Variants in PLG observed in about 807,000 individuals in gnomAD.
PLG encodes the protein plasminogen, also known as plasmin.
A neutral mutation model predicts 104.4 loss-of-function variants in PLG; 41 were observed. The ratio of observed to expected loss-of-function variants is 0.39; its 90% confidence interval spans 0.31 to 0.51. The LOEUF (loss-of-function observed/expected upper bound fraction) is 0.51, where lower values mean the gene tolerates loss of function less well. Among genes scored for constraint, PLG ranks in the 20% least tolerant of loss-of-function variants. The pLI is 0.76. For synonymous variants in PLG, 337 were observed against 357.1 expected, an observed-to-expected ratio of 0.94 and a Z score of 0.63; for missense variants, 891 against 1,003.6, an observed-to-expected ratio of 0.89 and a Z score of 1.52.
Position 160,724,721 on chromosome 6 carries a change from G to A in PLG, c.1256+2154G>A, listed in dbSNP as rs1178026168. On this transcript the variant is annotated intron_variant, in intron 10 of 18. Transcript: ENST00000308192. This position sits in a 1 kb window ranked among gnomAD's most constrained non-coding sequence, Gnocchi z 5.0. ...AAAATAAAAAAGATTAACATAGAATGTTATATCCAGCAAAAATATCCCTTG... is the reference window on the plus strand; with the variant it reads ...AAAATAAAAAAGATTAACATAGAATATTATATCCAGCAAAAATATCCCTTG... 2.6e-5 allele frequency among the ~76,000 whole-genome samples: 4 copies of A among 152,040 alleles called. No homozygotes were observed. The highest frequency in any genetic ancestry group is 5.9e-5 in the Non-Finnish European group (4 of 68,000).
intron 17 of PLG, among the ~76,000 whole-genome samples, chr6:160,749,011 G>T (rs1423255290): frequency 6.6e-6 from 1 of 152,196 alleles, no homozygotes; most frequent in Admixed American, 6.5e-5. Context: ...GCAAAGTGTA[G>T]TTCCCTCAAC....
rs563158864 is a variant in PLG at position 160,737,604 on chromosome 6, T to C, written c.1802+597T>C. Among the ~76,000 whole-genome samples, 204 of 152,346 alleles carry C rather than the reference T, an allele frequency of 1.3e-3. 1 individual carries two copies. The highest frequency in any genetic ancestry group is 4.9e-3 in the African/African-American group (202 of 41,576). On this transcript the variant is annotated intron_variant, in intron 14 of 18. Coordinates refer to ENST00000308192, the MANE Select transcript of PLG (RefSeq NM_000301.5). The surrounding 1 kb of genome is among the most constrained non-coding windows in gnomAD (Gnocchi z 4.7). Reference sequence around the variant, plus strand: ...TTGTTTCAGTGGAACATGCCTTTCATAAGTTCCATTTTCTTGGGTATCTCT... The same window carrying C: ...TTGTTTCAGTGGAACATGCCTTTCACAAGTTCCATTTTCTTGGGTATCTCT...
At chr6:160,710,200 T>A (rs1046695204) in intron 3 of PLG, among the ~76,000 whole-genome samples, 3 of 152,256 alleles carry the variant, frequency 2.0e-5, no homozygotes, top group African/African-American at 7.2e-5. Flanking sequence ...GTGGATTTGA[T>A]AGCAATTTTT....
At position 160,741,454 on chromosome 6, in the gene PLG, T is replaced by A. The variant is rs1778194301; in HGVS notation, c.2125+37T>A. The A allele has an allele frequency of 1.7e-6, 2 of 1,191,252 alleles. No individual in the cohort carries two copies. 73.8% of individuals were successfully genotyped at this position (1,191,252 alleles called of 1,614,324 possible). A position where few individuals can be genotyped will look rare whatever the true frequency, so the allele number is the denominator to read the frequency against. On this transcript the variant is annotated intron_variant, in intron 17 of 18. Coordinates refer to ENST00000308192, the MANE Select transcript of PLG (RefSeq NM_000301.5). The surrounding 1 kb of genome is among the most constrained non-coding windows in gnomAD (Gnocchi z 4.7). ...TCCATTGCCCACATAACGAATTGGT[T>A]TTGACCTACAGTCCATGTGACAAAA...
At chr6:160,718,519 G>A in intron 8 of PLG, 63 bp downstream of exon 8, 9 of 1,460,174 alleles carry the variant, frequency 6.2e-6, no homozygotes, top group Non-Finnish European at 8.7e-6. Context: ...CTTTGCCTTA[G>A]TTTTAGTTAC....
Position 160,732,717 on chromosome 6 carries a change from A to T in PLG, c.1587+824A>T, listed in dbSNP as rs758011276. 1.3e-5 allele frequency among the ~76,000 whole-genome samples: 2 copies of T among 152,148 alleles called. No individual in the cohort carries two copies. Among genetic ancestry groups the T allele is most frequent in the Non-Finnish European group, 2.9e-5 (2 of 68,018 alleles). ...TTACTTTTATTTACCCATTTGTTAT[A>T]AAAGATATTACAAAGGATCCTGGTG... is the stretch of plus-strand genomic sequence containing the variant. On this transcript the variant is annotated intron_variant, in intron 12 of 18. Transcript: ENST00000308192. This position sits in a 1 kb window ranked among gnomAD's most constrained non-coding sequence, Gnocchi z 4.5.
intron 10 of PLG, chr6:160,730,791 T>C (rs372752831): frequency 4.9e-5 from 18 of 370,376 alleles, no homozygotes; most frequent in African/African-American, 3.5e-4. Context: ...TTTATTTACA[T>C]GTTTATGTAT....
chr6:160,707,362 C>G (rs927403287), intron 2 of PLG, among the ~76,000 whole-genome samples: 16 of 152,080 alleles, frequency 1.1e-4, no homozygotes, highest in African/African-American at 3.9e-4. Context: ...GACGGACTAT[C>G]TTGGCGAATG....
At chr6:160,747,713 C>A (rs1778301825) in intron 17 of PLG, among the ~76,000 whole-genome samples, 2 of 152,188 alleles carry the variant, frequency 1.3e-5, no homozygotes, top group South Asian at 4.1e-4. Context: ...GCTTTTCCTA[C>A]TATTTAAAAA....
intron 4 of PLG, chr6:160,711,991 G>C: frequency 9.4e-7 from 1 of 1,063,438 alleles, no homozygotes; most frequent in South Asian, 1.9e-5. Flanking sequence ...TTATCAAATA[G>C]GAACTTAGTG....
At position 160,718,315 on chromosome 6, in the gene PLG, G is replaced by T; in HGVS notation, c.809G>T (p.Gly270Val). 1 of 1,613,924 alleles carries T rather than the reference G, an allele frequency of 6.2e-7. No homozygotes were observed. Residue 270 changes from glycine to valine, a missense_variant, in exon 8 of 19, where the codon GGT (glycine) becomes GTT (valine). This residue lies in a region of PLG where 854 missense variants were observed against 932.1 expected (regional missense o/e 0.92). Transcript: ENST00000308192. ...CAAGCAACACCTCCACCATCTTCTG[G>T]TCCCACCTACCAGTGTCTGAAGGGA... is the stretch of plus-strand genomic sequence containing the variant. Reference protein sequence around the residue: ...PRCTTPPPSSGPTYQCLKGTG... With the variant: ...PRCTTPPPSSVPTYQCLKGTG...
chr6:160,731,128 G>C lies in PLG; in HGVS notation c.1334G>C (p.Arg445Thr), dbSNP rs769564214. 6.2e-7 allele frequency: 1 copy of C among 1,614,048 alleles called. No homozygotes were observed. ...TGTTTTACCACAGACCCCAGCGTCA[G>C]GTGGGAGTACTGCAACCTGAAAAAA... The part of the protein sequence containing the change: ...PWCFTTDPSV[R>T]WEYCNLKKCS... The change falls in exon 11 of 19, where the codon AGG becomes ACG. Residue 445 changes from arginine (R) to threonine (T), a missense_variant. Coordinates refer to ENST00000308192, the MANE Select transcript of PLG (RefSeq NM_000301.5). The surrounding 1 kb of genome is among the most constrained non-coding windows in gnomAD (Gnocchi z 5.1).
rs1777794141 is a variant in PLG, at chr6:160,719,322, T to G, written c.1096+484T>G. Among the ~76,000 whole-genome samples, 3 of 152,228 alleles carry G rather than the reference T, an allele frequency of 2.0e-5. No homozygotes were observed. The South Asian group carries it at 6.2e-4, about 31-fold the overall frequency. ...TCTAGATGAAAGGACCCCTTTATCT[T>G]TATGTAATGTTTCTTCTTATCTCTG... On this transcript the variant is annotated intron_variant, in intron 9 of 18. Coordinates refer to ENST00000308192, the MANE Select transcript of PLG (RefSeq NM_000301.5). The surrounding 1 kb of genome is among the most constrained non-coding windows in gnomAD (Gnocchi z 4.1).
intron 6 of PLG, among the ~76,000 whole-genome samples, chr6:160,716,077 C>T (rs1777724216): frequency 6.6e-6 from 1 of 152,206 alleles, no homozygotes; most frequent in Admixed American, 6.5e-5. Flanking sequence ...GGGAGCAGAG[C>T]CTGGTAGACC....
rs530756904 is a variant in PLG, at chr6:160,749,456, C to T, written c.2126-2659C>T. Among the ~76,000 whole-genome samples, 7 of 150,362 alleles carry T rather than the reference C, an allele frequency of 4.7e-5. No individual in the cohort carries two copies. The South Asian group carries it at 1.5e-3, about 33-fold the overall frequency. ...ATCACTCTCATCATTCCACCACCAT[C>T]ACCATTAACATTACCATCACTATCA... On this transcript the variant is annotated intron_variant, in intron 17 of 18. Transcript: ENST00000308192.
At chr6:160,727,264 A>G (rs993372720) in intron 10 of PLG, among the ~76,000 whole-genome samples, 1 of 151,790 alleles carries the variant, frequency 6.6e-6, no homozygotes, top group Non-Finnish European at 1.5e-5. Flanking sequence ...GATATCTATT[A>G]AAGACAACAT....
chr6:160,702,892 G>C (rs1468832624), intron 1 of PLG, among the ~76,000 whole-genome samples: 1 of 152,110 alleles, frequency 6.6e-6, no homozygotes, highest in African/African-American at 2.4e-5. Context: ...AAAATCACAC[G>C]CATCCATTTG....
Position 160,714,929 on chromosome 6 carries a change from G to GA in PLG, c.668+20dup. ...ATTCCTTCCAAGTAAGTCTCACTGG[G>GA]AAAAACATTCCATGTTTAATTAAGG... is the stretch of plus-strand genomic sequence containing the variant. On this transcript the variant is annotated intron_variant, in intron 6 of 18. Transcript: ENST00000308192. The GA allele has an allele frequency of 1.2e-6, 2 of 1,612,506 alleles. No homozygotes were observed. Among genetic ancestry groups the GA allele is most frequent in the Non-Finnish European group, 8.5e-7 (1 of 1,178,752 alleles).
rs185508969 is a variant in PLG at position 160,720,622 on chromosome 6, G to A, written c.1096+1784G>A. On this transcript the variant is annotated intron_variant, in intron 9 of 18. Transcript: ENST00000308192. ...TTTGGTAGAGACAGAGTTTCGCCAT[G>A]TTGGCCAGACTGGTCTCAAACTTCT... Among the ~76,000 whole-genome samples the A allele has an allele frequency of 3.9e-5, 6 of 152,066 alleles. No individual in the cohort carries two copies. In the South Asian group the frequency reaches 1.0e-3, roughly 26 times the overall value.
Sources: allele counts gnomAD v4.1 joint callset (sites outside exome capture counted in the v4.1 genomes callset), GRCh38; gene constraint gnomAD v4.1.1; regional missense constraint gnomAD v4.1.1; non-coding constraint Gnocchi (gnomAD v3.1); transcripts MANE v1.5; gene names NCBI Gene and HGNC (gene_info 2026-07-23, HGNC 2026-07-21).